Variants in TMEM182 observed in about 807,000 individuals in gnomAD.
The protein encoded by TMEM182 is transmembrane protein 182.
In TMEM182, 20 loss-of-function variants were observed where a neutral mutation model predicts 26.8. The observed-to-expected ratio is 0.75, with a 90% CI of 0.53 to 1.09. TMEM182 has a LOEUF of 1.09. Ranked by LOEUF, TMEM182 falls within the 50% of genes least tolerant of loss-of-function variation. TMEM182 has a pLI of 0.00. For missense variants in TMEM182, 277 were observed against 275.5 expected (o/e 1.01, Z -0.04); for synonymous variants, 109 against 102.2 (o/e 1.07, Z -0.40).
chr2:102,765,289 C>CTGGAG (rs1250883490), intron 3 of TMEM182, among the ~76,000 whole-genome samples: 3 of 150,964 alleles, frequency 2.0e-5, no homozygotes, highest in Admixed American at 6.6e-5. Flanking sequence ...GCTGATGTTG[C>CTGGAG]AATCTCCAGT....
intron 3 of TMEM182, among the ~76,000 whole-genome samples, chr2:102,777,551 A>G (rs1039869474): frequency 6.6e-6 from 1 of 152,026 alleles, no homozygotes; most frequent in Non-Finnish European, 1.5e-5. Flanking sequence ...GATAGTAAGT[A>G]TTGAAGGTGG....
Position 102,802,584 on chromosome 2 carries a change from C to T in TMEM182, c.469+4584C>T, listed in dbSNP as rs139432134. The stretch of plus-strand genomic sequence containing the variant: ...ACTCTTAGATACACAGGGGTTGTCA[C>T]GCATCTCCTCCTGCCCCGTGGCATT... On this transcript the variant is annotated intron_variant, in intron 4 of 4. Transcript: ENST00000412401. Among the ~76,000 whole-genome samples the T allele has an allele frequency of 1.1e-4, 16 of 152,282 alleles. 1 individual carries two copies. In the East Asian group the frequency reaches 2.5e-3, roughly 24 times the overall value.
chr2:102,797,857 C>A lies in TMEM182; in HGVS notation c.332-6C>A. 1 of 1,607,064 alleles carries A rather than the reference C, an allele frequency of 6.2e-7. No individual in the cohort carries two copies. The highest frequency in any genetic ancestry group is 8.5e-7 in the Non-Finnish European group (1 of 1,178,260). ...TTCTTTTCTCTTTTCCTCCTGGGGT[C>A]TCCAGTTTACCGTGGTTTCTGGGCA... On this transcript the variant is annotated splice_polypyrimidine_tract_variant and splice_region_variant and intron_variant, in intron 3 of 4. Transcript: ENST00000412401.
intron 3 of TMEM182, among the ~76,000 whole-genome samples, chr2:102,797,240 A>C (rs538944590): frequency 6.6e-5 from 10 of 152,336 alleles, no homozygotes; most frequent in African/African-American, 2.4e-4. Context: ...TTAAATTATC[A>C]GATTTGCTTG....
At chr2:102,801,197 T>C (rs1293365688) in intron 4 of TMEM182, among the ~76,000 whole-genome samples, 2 of 152,156 alleles carry the variant, frequency 1.3e-5, no homozygotes. Context: ...CAGAGGACAC[T>C]TACTTTACAT....
intron 3 of TMEM182, among the ~76,000 whole-genome samples, chr2:102,773,220 G>T (rs80292570): frequency 6.6e-6 from 1 of 151,894 alleles, no homozygotes. Flanking sequence ...AAGGATAAAA[G>T]TTCCTGCCCT....
In TMEM182 at chr2:102,798,001, G is replaced by A; in HGVS notation, c.469+1G>A. The A allele has an allele frequency of 5.6e-6, 9 of 1,612,282 alleles. No homozygotes were observed. The highest frequency in any genetic ancestry group is 7.6e-6 in the Non-Finnish European group (9 of 1,179,570). On this transcript the variant is annotated splice_donor_variant, in intron 4 of 4. Coordinates refer to ENST00000412401, the MANE Select transcript of TMEM182 (RefSeq NM_144632.5). LOFTEE classifies it high-confidence loss of function. ...GGGGGAGGCTCATATATTGCTGCAG[G>A]TACGTACGGTGCAATGGGTATGACT...
intron 3 of TMEM182, among the ~76,000 whole-genome samples, chr2:102,772,340 G>A (rs545524714): frequency 1.5e-3 from 225 of 152,276 alleles, no homozygotes; most frequent in African/African-American, 5.2e-3. Context: ...TTATAGCGGG[G>A]AGGCTAAAAA....
intron 4 of TMEM182, among the ~76,000 whole-genome samples, chr2:102,806,099 C>A (rs1163285480): frequency 2.0e-5 from 3 of 152,124 alleles, no homozygotes; most frequent in Non-Finnish European, 4.4e-5. Context: ...CATCCTATCC[C>A]CCAAATAGTC....
intron 3 of TMEM182, among the ~76,000 whole-genome samples, chr2:102,792,546 A>G (rs368092139): frequency 3.9e-5 from 6 of 152,348 alleles, no homozygotes; most frequent in South Asian, 4.1e-4. Context: ...CTACAAGACA[A>G]TTCTTTATTA....
intron 1 of TMEM182, among the ~76,000 whole-genome samples, chr2:102,744,451 A>C (rs894735391): frequency 6.6e-6 from 1 of 152,178 alleles, no homozygotes; most frequent in Non-Finnish European, 1.5e-5. Context: ...TTAGAAAGAA[A>C]TTTTAAAATC....
intron 3 of TMEM182, among the ~76,000 whole-genome samples, chr2:102,835,847 C>G (rs541575422): frequency 7.6e-6 from 1 of 131,880 alleles, no homozygotes; most frequent in South Asian, 3.0e-4. Context: ...TCCCTCCCCC[C>G]TCCCCCGACC....
chr2:102,820,937 G>C (rs535875991), downstream of TMEM182, among the ~76,000 whole-genome samples: 2 of 152,306 alleles, frequency 1.3e-5, no homozygotes, highest in South Asian at 2.1e-4. Flanking sequence ...GAACAGGCTT[G>C]AGGGAGAGAG....
At chr2:102,813,286 C>T (rs150870786) in intron 4 of TMEM182, among the ~76,000 whole-genome samples, 1 of 152,298 alleles carries the variant, frequency 6.6e-6, no homozygotes, top group African/African-American at 2.4e-5. Context: ...AGAGGGCATC[C>T]TAAATGCTGT....
downstream of TMEM182, among the ~76,000 whole-genome samples, chr2:102,820,320 A>G (rs537254714): frequency 5.9e-5 from 9 of 152,344 alleles, no homozygotes; most frequent in South Asian, 1.5e-3. Context: ...CAGTAATTGC[A>G]TACATGCTAC....
At chr2:102,824,525 A>G (rs1359034856) in intron 3 of TMEM182, among the ~76,000 whole-genome samples, 1 of 151,994 alleles carries the variant, frequency 6.6e-6, no homozygotes, top group Non-Finnish European at 1.5e-5. Flanking sequence ...TGCTCTGGCC[A>G]TGTAAGATGT....
chr2:102,798,830 A>C (rs1355419194), intron 4 of TMEM182, among the ~76,000 whole-genome samples: 1 of 151,918 alleles, frequency 6.6e-6, no homozygotes, highest in Non-Finnish European at 1.5e-5. Flanking sequence ...ACAGAGCGAG[A>C]CTTTGTCTAA....
At chr2:102,813,116 T>C (rs1682613935) in intron 4 of TMEM182, among the ~76,000 whole-genome samples, 1 of 152,222 alleles carries the variant, frequency 6.6e-6, no homozygotes, top group Non-Finnish European at 1.5e-5. Flanking sequence ...ATGTTTCTTA[T>C]TAGCGAAGCA....
At chr2:102,819,996 C>T (rs115894382), downstream of TMEM182, among the ~76,000 whole-genome samples, 509 of 152,322 alleles carry the variant, frequency 3.3e-3, 4 homozygotes, top group African/African-American at 0.011. Context: ...AACTGGCAAT[C>T]GATAGCTGTC....
Sources: gnomAD v4.1 joint callset for allele counts (sites outside exome capture counted in the v4.1 genomes callset) on GRCh38, gnomAD v4.1.1 for gene constraint, MANE v1.5 for transcripts, NCBI Gene and HGNC (gene_info 2026-07-23, HGNC 2026-07-21) for gene names.